The following CNTNAP5 variants were observed in gnomAD, a reference collection of about 807,000 sequenced individuals.
CNTNAP5 encodes contactin-associated protein-like 5.
CNTNAP5 carries 72 observed loss-of-function variants against 150.2 expected under a neutral mutation model. That is an observed-to-expected ratio of 0.48 (90% confidence interval 0.40 to 0.58). The LOEUF (loss-of-function observed/expected upper bound fraction) is 0.58. Ranked by LOEUF, CNTNAP5 falls within the 20% of genes least tolerant of loss-of-function variation. The probability of loss-of-function intolerance (pLI) is 0.00; values close to 1 mark genes in which losing one functional copy is unlikely to be tolerated. For synonymous variants in CNTNAP5, 672 were observed against 619.8 expected (o/e 1.08, Z -1.25); for missense variants, 1,636 against 1,626.2 (o/e 1.01, Z -0.10).
intron 22 of CNTNAP5, among the ~76,000 whole-genome samples, chr2:124,904,793 G>T (rs1678496631): frequency 6.6e-6 from 1 of 151,806 alleles, no homozygotes; most frequent in Non-Finnish European, 1.5e-5. Context: ...CATAAGGACA[G>T]ATCTCCTTAA....
intron 1 of CNTNAP5, among the ~76,000 whole-genome samples, chr2:124,031,124 C>T (rs936158446): frequency 6.7e-6 from 1 of 149,056 alleles, no homozygotes; most frequent in Non-Finnish European, 1.5e-5. Flanking sequence ...TTCTCTCACT[C>T]TCTCCCCGCT....
chr2:124,789,967 A>C lies in CNTNAP5; in HGVS notation c.2818A>C (p.Lys940Gln). The C allele has an allele frequency of 6.2e-7, 1 of 1,613,980 alleles. No individual in the cohort carries two copies. Reference sequence around the variant, plus strand: ...TCGCTCCTTACACTTGAATGGACAGAAAATGGACCTGGAAGAGAGGGCAAA... The same window carrying C: ...TCGCTCCTTACACTTGAATGGACAGCAAATGGACCTGGAAGAGAGGGCAAA... ...CIRSLHLNGQKMDLEERAKVT... is the reference protein window; with the variant it reads ...CIRSLHLNGQQMDLEERAKVT... Residue 940 changes from lysine (K) to glutamine (Q), a missense_variant, in exon 18 of 24, where the codon AAA becomes CAA. Lys to Gln is a moderately conservative substitution (Grantham distance 53). Transcript: ENST00000682447.
chr2:124,431,669 TATATAA>T (rs1466635652), intron 4 of CNTNAP5, among the ~76,000 whole-genome samples: 1 of 146,816 alleles, frequency 6.8e-6, no homozygotes, highest in Non-Finnish European at 1.5e-5. Flanking sequence ...ATAATTTCTT[TATATAA>T]ATATAAATAA....
chr2:124,229,407 T>A (rs1044188586), intron 2 of CNTNAP5, among the ~76,000 whole-genome samples: 2 of 152,110 alleles, frequency 1.3e-5, no homozygotes, highest in Non-Finnish European at 2.9e-5. Context: ...CATGCTGCTA[T>A]CTCATCGATA....
chr2:124,338,478 C>T (rs1689531254), intron 3 of CNTNAP5, among the ~76,000 whole-genome samples: 1 of 152,034 alleles, frequency 6.6e-6, no homozygotes. Context: ...GTTATTTTAA[C>T]CTCAGTTGCC....
At position 124,524,406 on chromosome 2, in the gene CNTNAP5, C is replaced by G; in HGVS notation, c.1431C>G (p.Asp477Glu). 6.2e-7 allele frequency: 1 copy of G among 1,613,710 alleles called. No homozygotes were observed. The highest frequency in any genetic ancestry group is 1.3e-5 in the African/African-American group (1 of 75,040). Residue 477 changes from aspartate (D) to glutamate (E), a missense_variant, in exon 9 of 24, where the codon GAC becomes GAG. Transcript: ENST00000682447. ...LDDEAAPPAP[D>E]STWVQIYSGN... ...ATGAAGCAGCACCCCCGGCTCCAGA[C>G]AGCACTTGGGTGCAGATTTATTCTG... is the stretch of plus-strand genomic sequence containing the variant.
At chr2:124,027,812 T>A (rs532623870) in intron 1 of CNTNAP5, among the ~76,000 whole-genome samples, 18 of 152,322 alleles carry the variant, frequency 1.2e-4, no homozygotes, top group African/African-American at 4.3e-4. Context: ...TTATTAATGA[T>A]CATTATGCTG....
At chr2:124,055,137 T>A (rs1253090469) in intron 1 of CNTNAP5, among the ~76,000 whole-genome samples, 1 of 152,164 alleles carries the variant, frequency 6.6e-6, no homozygotes, top group Non-Finnish European at 1.5e-5. Flanking sequence ...GCCAACCAAA[T>A]GTTTCCTTTT....
chr2:124,851,274 T>C (rs763134669), intron 19 of CNTNAP5, among the ~76,000 whole-genome samples: 5 of 152,246 alleles, frequency 3.3e-5, no homozygotes, highest in Middle Eastern at 3.4e-3. Context: ...GAGAATAGCT[T>C]GAACCCTGGA....
intron 2 of CNTNAP5, among the ~76,000 whole-genome samples, chr2:124,234,826 C>G (rs1047342012): frequency 6.6e-6 from 1 of 152,114 alleles, no homozygotes; most frequent in African/African-American, 2.4e-5. Flanking sequence ...GAGTACTGAG[C>G]GTCTTTCAAA....
At chr2:124,844,712 TA>T (rs1465039060) in intron 19 of CNTNAP5, among the ~76,000 whole-genome samples, 4 of 152,046 alleles carry the variant, frequency 2.6e-5, no homozygotes, top group Non-Finnish European at 5.9e-5. Context: ...TAGTGGTTTT[TA>T]AAATTTTTTT....
chr2:124,820,051 A>G (rs1333314865), intron 19 of CNTNAP5, among the ~76,000 whole-genome samples: 1 of 152,190 alleles, frequency 6.6e-6, no homozygotes, highest in Non-Finnish European at 1.5e-5. Flanking sequence ...TCCCTTGCAG[A>G]AATGGGCCAG....
chr2:124,559,885 T>G (rs1402179606), intron 10 of CNTNAP5, among the ~76,000 whole-genome samples: 2 of 152,188 alleles, frequency 1.3e-5, no homozygotes, highest in Non-Finnish European at 2.9e-5. Context: ...GAACCAAGCT[T>G]GAAGGCAGCT....
chr2:124,324,873 T>A (rs1373804437), intron 3 of CNTNAP5, among the ~76,000 whole-genome samples: 1 of 152,116 alleles, frequency 6.6e-6, no homozygotes, highest in Admixed American at 6.5e-5. Context: ...GTTCTATGAG[T>A]TTCAAGGCAA....
intron 13 of CNTNAP5, among the ~76,000 whole-genome samples, chr2:124,703,576 G>T (rs947136806): frequency 4.6e-5 from 7 of 152,128 alleles, no homozygotes; most frequent in African/African-American, 1.4e-4. Flanking sequence ...TCAACCCTTA[G>T]CACATCGCAC....
chr2:124,646,867 G>T (rs896134226), intron 12 of CNTNAP5, among the ~76,000 whole-genome samples: 1 of 152,174 alleles, frequency 6.6e-6, no homozygotes, highest in Admixed American at 6.5e-5. Flanking sequence ...CAGCTACTTG[G>T]GAGGCTGAGG....
chr2:124,785,673 T>A (rs1681552132), intron 17 of CNTNAP5, among the ~76,000 whole-genome samples: 1 of 152,144 alleles, frequency 6.6e-6, no homozygotes, highest in Non-Finnish European at 1.5e-5. Flanking sequence ...GCAGGAAGTG[T>A]GGGAGAAAGA....
At chr2:124,649,296 G>A (rs146583759) in intron 13 of CNTNAP5, among the ~76,000 whole-genome samples, 2 of 151,998 alleles carry the variant, frequency 1.3e-5, no homozygotes, top group African/African-American at 2.4e-5. Context: ...TCCTCAGAGG[G>A]TGCTGCCCTG....
intron 10 of CNTNAP5, 125 bp downstream of exon 10, chr2:124,527,581 C>A: frequency 1.5e-6 from 1 of 666,782 alleles, no homozygotes; most frequent in South Asian, 3.9e-5. Flanking sequence ...ATTGAGTTGC[C>A]TAATGGAAAA....
Sources: allele counts gnomAD v4.1 joint callset (sites outside exome capture counted in the v4.1 genomes callset), GRCh38; gene constraint gnomAD v4.1.1; transcripts MANE v1.5; gene names NCBI Gene and HGNC (gene_info 2026-07-23, HGNC 2026-07-21).